The following DLGAP2 variants were observed in gnomAD, a reference collection of about 807,000 sequenced individuals.
DLGAP2 encodes disks large-associated protein 2.
In DLGAP2, 26 loss-of-function variants were observed where a neutral mutation model predicts 100.3. That is an observed-to-expected ratio of 0.26 (90% CI 0.19 to 0.36). The LOEUF is 0.36. DLGAP2 is among the 10% of genes least tolerant of loss of function. The probability of loss-of-function intolerance (pLI) is 1.00; values close to 1 mark genes in which losing one functional copy is unlikely to be tolerated. For missense variants in DLGAP2, 1,858 were observed against 1,453.2 expected, an observed-to-expected ratio of 1.28 and a Z score of -4.53; for synonymous variants, 886 against 630.1, an observed-to-expected ratio of 1.41 and a Z score of -6.08.
chr8:895,289 C>T (rs1214602579), intron 1 of DLGAP2, among the ~76,000 whole-genome samples: 2 of 152,082 alleles, frequency 1.3e-5, no homozygotes, highest in African/African-American at 4.8e-5. Context: ...TAAGTATACA[C>T]AGTCATTATA....
intron 3 of DLGAP2, among the ~76,000 whole-genome samples, chr8:1,487,830 C>G (rs764272320): frequency 1.3e-5 from 2 of 152,314 alleles, no homozygotes; most frequent in Non-Finnish European, 2.9e-5. Flanking sequence ...CACGTCCTCA[C>G]TACCTGCCAG....
chr8:1,018,107 G>T (rs1801522645), intron 2 of DLGAP2, among the ~76,000 whole-genome samples: 1 of 149,452 alleles, frequency 6.7e-6, no homozygotes, highest in African/African-American at 2.5e-5. Context: ...ACTCTCACAT[G>T]ACCCCTGCCC....
intron 2 of DLGAP2, among the ~76,000 whole-genome samples, chr8:1,143,561 G>A (rs541168766): frequency 5.9e-5 from 9 of 152,314 alleles, no homozygotes; most frequent in Admixed American, 2.6e-4. Context: ...TCTGGTCAGC[G>A]CTCAGGACTC....
chr8:1,155,549 G>A (rs1796766619), intron 2 of DLGAP2, among the ~76,000 whole-genome samples: 1 of 152,202 alleles, frequency 6.6e-6, no homozygotes, highest in Non-Finnish European at 1.5e-5. Flanking sequence ...TATGTGATGT[G>A]TGATGTGTGA....
chr8:1,532,912 T>G (rs80069611), intron 4 of DLGAP2, among the ~76,000 whole-genome samples: 1,623 of 152,264 alleles, frequency 0.011, 35 homozygotes, highest in African/African-American at 0.037. Context: ...TGGCTGCCTT[T>G]CCACCTGCCG....
chr8:1,449,689 G>C lies in DLGAP2; in HGVS notation c.107-51677G>C, dbSNP rs370625186. Among the ~76,000 whole-genome samples the C allele has an allele frequency of 4.5e-4, 69 of 152,356 alleles. 1 individual carries two copies. In the South Asian group the frequency reaches 0.013, roughly 29 times the overall value. On this transcript the variant is annotated intron_variant, in intron 3 of 14. Transcript: ENST00000637795. ...AAGGCTTCAGCAGAAGGTGGGAGCA[G>C]GGGGTGTGCAGATGACACCAGCTGC...
chr8:826,118 A>G (rs905542239), intron 1 of DLGAP2, among the ~76,000 whole-genome samples: 3 of 152,058 alleles, frequency 2.0e-5, no homozygotes, highest in African/African-American at 7.2e-5. Flanking sequence ...AACACAATCA[A>G]CTCCAGTTCC....
intron 8 of DLGAP2, among the ~76,000 whole-genome samples, chr8:1,658,972 C>T (rs548370508): frequency 9.2e-5 from 14 of 152,268 alleles, no homozygotes; most frequent in African/African-American, 3.4e-4. Flanking sequence ...CAATTTTGTG[C>T]TGTAAATTTC....
Position 1,616,474 on chromosome 8 carries a change from G to T in DLGAP2, c.1443-10266G>T, listed in dbSNP as rs566357373. 2.0e-5 allele frequency among the ~76,000 whole-genome samples: 3 copies of T among 152,256 alleles called. No individual in the cohort carries two copies. In the East Asian group the frequency reaches 5.8e-4, roughly 29 times the overall value. ...GTTAAACTGTGGAAAACCAGAGAGA[G>T]ACAAGTCTGTAAAGCAACCAAGGAA... On this transcript the variant is annotated intron_variant, in intron 6 of 14. Transcript: ENST00000637795.
chr8:1,392,898 T>C (rs1344359593), intron 3 of DLGAP2, among the ~76,000 whole-genome samples: 1 of 141,662 alleles, frequency 7.1e-6, no homozygotes, highest in South Asian at 2.5e-4. Context: ...TGTTTTTTTT[T>C]TGAGACGGAG....
intron 3 of DLGAP2, among the ~76,000 whole-genome samples, chr8:1,463,332 A>G (rs977938626): frequency 1.3e-5 from 2 of 152,240 alleles, no homozygotes; most frequent in African/African-American, 4.8e-5. Flanking sequence ...TATTGATGAA[A>G]TAGTGGGAGC....
chr8:1,373,150 G>T (rs565873778), intron 3 of DLGAP2, among the ~76,000 whole-genome samples: 16 of 152,332 alleles, frequency 1.1e-4, no homozygotes, highest in Non-Finnish European at 1.9e-4. Flanking sequence ...GTCTTCATGG[G>T]TCTCATTTGC....
chr8:1,142,692 T>C (rs919054836), intron 2 of DLGAP2, among the ~76,000 whole-genome samples: 7 of 152,096 alleles, frequency 4.6e-5, no homozygotes, highest in African/African-American at 1.7e-4. Context: ...ACGGCTTTGC[T>C]AGGGCAGGAC....
intron 3 of DLGAP2, among the ~76,000 whole-genome samples, chr8:1,424,627 C>T (rs750248954): frequency 6.6e-6 from 1 of 151,978 alleles, no homozygotes; most frequent in African/African-American, 2.4e-5. Context: ...GTCAGATGCA[C>T]AGACAGAAGG....
intron 12 of DLGAP2, among the ~76,000 whole-genome samples, chr8:1,684,285 T>A (rs1445651361): frequency 6.6e-6 from 1 of 152,008 alleles, no homozygotes; most frequent in Non-Finnish European, 1.5e-5. Flanking sequence ...TGGACAGATG[T>A]CAAAACACTT....
chr8:1,668,059 T>C (rs1463233925), intron 8 of DLGAP2, among the ~76,000 whole-genome samples: 1 of 151,486 alleles, frequency 6.6e-6, no homozygotes, highest in Admixed American at 6.6e-5. Flanking sequence ...TTTTAAATGA[T>C]GCCACGCCTG....
intron 1 of DLGAP2, among the ~76,000 whole-genome samples, chr8:863,646 G>A (rs1039599858): frequency 2.0e-5 from 3 of 152,194 alleles, no homozygotes; most frequent in South Asian, 4.1e-4. Context: ...GCGGATCATC[G>A]GGGAGATACA....
Position 864,864 on chromosome 8 carries a change from G to A in DLGAP2, c.19-43048G>A, listed in dbSNP as rs1025536433. Among the ~76,000 whole-genome samples, 9 of 152,148 alleles carry A rather than the reference G, an allele frequency of 5.9e-5. No homozygotes were observed. In the South Asian group the frequency reaches 6.2e-4, roughly 11 times the overall value. ...AATATTTATATTGGTCAGTGTTCTC[G>A]TCATTGATAATTATAAGACAAATTA... On this transcript the variant is annotated intron_variant, in intron 1 of 14. Coordinates refer to ENST00000637795, the MANE Select transcript of DLGAP2 (RefSeq NM_001346810.2).
intron 2 of DLGAP2, among the ~76,000 whole-genome samples, chr8:1,105,893 C>G (rs559193590): frequency 2.7e-5 from 4 of 146,298 alleles, no homozygotes; most frequent in Admixed American, 6.8e-5. Flanking sequence ...TGAAGGGGGG[C>G]CATTCTAGGA....
Sources: allele counts gnomAD v4.1 joint callset (sites outside exome capture counted in the v4.1 genomes callset), GRCh38; gene constraint gnomAD v4.1.1; transcripts MANE v1.5; gene names NCBI Gene and HGNC (gene_info 2026-07-23, HGNC 2026-07-21).